The following IDH1 variants were observed in gnomAD, a reference collection of about 807,000 sequenced individuals.
IDH1 encodes the protein isocitrate dehydrogenase [NADP] cytoplasmic.
In IDH1, 33 loss-of-function variants were observed where a neutral mutation model predicts 46.1. The ratio of observed to expected loss-of-function variants is 0.72; its 90% confidence interval spans 0.54 to 0.96. IDH1 has a LOEUF of 0.96. Among genes scored for constraint, IDH1 ranks in the 40% least tolerant of loss-of-function variants. The pLI is 0.00. For synonymous variants in IDH1, 144 were observed against 172.8 expected (o/e 0.83, Z 1.31); for missense variants, 421 against 515.7 (o/e 0.82, Z 1.78).
At chr2:208,249,149 T>A (rs1443265469) in intron 3 of IDH1, among the ~76,000 whole-genome samples, 3 of 152,056 alleles carry the variant, frequency 2.0e-5, no homozygotes, top group Admixed American at 1.3e-4. Context: ...AAAATGCGAA[T>A]GACTACTTCA....
intron 4 of IDH1, among the ~76,000 whole-genome samples, chr2:208,246,635 T>TA (rs369672159): frequency 0.94 from 127,901 of 136,432 alleles, 60,031 homozygotes; most frequent in East Asian, 0.97. Context: ...CCAAAATAAT[T>TA]AAAAAAAAAA....
chr2:208,249,815 T>C (rs763151653), intron 3 of IDH1, among the ~76,000 whole-genome samples: 4 of 152,242 alleles, frequency 2.6e-5, no homozygotes, highest in Admixed American at 6.5e-5. Flanking sequence ...AACAAAGTCA[T>C]GTCCTTTGTT....
At chr2:208,248,050 A>G (rs905724194) in intron 4 of IDH1, 2 of 369,418 alleles carry the variant, frequency 5.4e-6, no homozygotes, top group African/African-American at 4.2e-5. Context: ...AAAACCACAG[A>G]TCTGGTTGAA....
chr2:208,250,785 T>G (rs1419609427), intron 3 of IDH1, among the ~76,000 whole-genome samples: 4 of 152,166 alleles, frequency 2.6e-5, no homozygotes, highest in African/African-American at 4.8e-5. Context: ...CTAAGAAACA[T>G]CATGAATTCT....
chr2:208,237,064 A>T lies in IDH1; in HGVS notation c.*15T>A, dbSNP rs750251172. On this transcript the variant is annotated 3_prime_UTR_variant, in exon 10 of 10. Transcript: ENST00000345146. ...TTACCAAAAGACAATTATCCTTCTTAGCTCAGGTATGAACTTAAAGTTTGG... is the reference window on the plus strand; with the variant it reads ...TTACCAAAAGACAATTATCCTTCTTTGCTCAGGTATGAACTTAAAGTTTGG... 1 of 1,432,094 alleles carries T rather than the reference A, an allele frequency of 7.0e-7. No homozygotes were observed. Among genetic ancestry groups the T allele is most frequent in the Non-Finnish European group, 9.8e-7 (1 of 1,017,350 alleles). 88.7% of individuals were successfully genotyped at this position (1,432,094 alleles called of 1,614,324 possible). A position where few individuals can be genotyped will look rare whatever the true frequency, so the allele number is the denominator to read the frequency against.
At chr2:208,249,907 T>C (rs993628206) in intron 3 of IDH1, among the ~76,000 whole-genome samples, 10 of 152,196 alleles carry the variant, frequency 6.6e-5, no homozygotes, top group African/African-American at 2.4e-4. Context: ...CTAGGAACCA[T>C]TTCTCATAAG....
Position 208,237,069 on chromosome 2 carries a change from A to T in IDH1, c.*10T>A. Reference sequence around the variant, plus strand: ...AAAAGACAATTATCCTTCTTAGCTCAGGTATGAACTTAAAGTTTGGCCTGA... The same window carrying T: ...AAAAGACAATTATCCTTCTTAGCTCTGGTATGAACTTAAAGTTTGGCCTGA... On this transcript the variant is annotated 3_prime_UTR_variant, in exon 10 of 10. Coordinates refer to ENST00000345146, the MANE Select transcript of IDH1 (RefSeq NM_005896.4). The T allele has an allele frequency of 6.8e-7, 1 of 1,472,940 alleles. No individual in the cohort carries two copies. The highest frequency in any genetic ancestry group is 9.5e-7 in the Non-Finnish European group (1 of 1,053,802). 91.2% of individuals were successfully genotyped at this position (1,472,940 alleles called of 1,614,324 possible).
chr2:208,245,275 A>G (rs1687994272), intron 5 of IDH1, 44 bp downstream of exon 5: 2 of 949,438 alleles, frequency 2.1e-6, no homozygotes. Flanking sequence ...TATCTAAATC[A>G]TTTGTTTAAA....
At chr2:208,239,695 G>A (rs559596551) in intron 8 of IDH1, among the ~76,000 whole-genome samples, 168 bp downstream of exon 8, 1 of 152,316 alleles carries the variant, frequency 6.6e-6, no homozygotes, top group African/African-American at 2.4e-5. Context: ...AAACAGAAAA[G>A]CAAATATTGT....
chr2:208,243,423 T>C lies in IDH1; in HGVS notation c.698+4A>G. 6.2e-7 allele frequency: 1 copy of C among 1,603,782 alleles called. No individual in the cohort carries two copies. Among genetic ancestry groups the C allele is most frequent in the East Asian group, 2.2e-5 (1 of 44,818 alleles). ...AGAAAAAGTTAAAAAAGAACTATAG[T>C]TACTTGTCATATATCTCCTGAAAGA... is the stretch of plus-strand genomic sequence containing the variant. On this transcript the variant is annotated splice_donor_region_variant and intron_variant, in intron 6 of 9. Transcript: ENST00000345146.
chr2:208,238,948 T>C, intron 9 of IDH1, 123 bp downstream of exon 9: 2 of 897,350 alleles, frequency 2.2e-6, no homozygotes, highest in Admixed American at 1.9e-5. Flanking sequence ...TTTACAGATA[T>C]CTGCTGACTC....
At chr2:208,240,092 G>T in intron 7 of IDH1, 89 bp from the exon 8 acceptor site, 1 of 1,404,808 alleles carries the variant, frequency 7.1e-7, no homozygotes, top group Non-Finnish European at 1.0e-6. Context: ...ACTCAATCTT[G>T]ATAGGTCTTG....
intron 6 of IDH1, 113 bp from the exon 7 acceptor site, chr2:208,242,258 T>C (rs567763023): frequency 7.4e-5 from 74 of 999,508 alleles, no homozygotes; most frequent in Admixed American, 2.0e-4. Context: ...CATATTTTAG[T>C]AGAAGTAGCA....
rs746483551 is a variant in IDH1 at position 208,251,587 on chromosome 2, A to T, written c.-16-20T>A. ...ATAAACCTAAAAAGAAAAAAAAAAT[A>T]CATGCCTTGTCATTTATTTCATTAT... is the stretch of plus-strand genomic sequence containing the variant. On this transcript the variant is annotated intron_variant, in intron 2 of 9. Transcript: ENST00000345146. The T allele has an allele frequency of 2.5e-6, 4 of 1,580,944 alleles. No homozygotes were observed. In the Admixed American group the frequency reaches 6.7e-5, roughly 27 times the overall value.
Position 208,237,118 on chromosome 2 carries a change from T to C in IDH1, c.1206A>G (p.Gly402=), listed in dbSNP as rs1687824661. Residue 402 remains glycine, a synonymous_variant, in exon 10 of 10, where the codon GGA becomes GGG. Coordinates refer to ENST00000345146, the MANE Select transcript of IDH1 (RefSeq NM_005896.4). ...LNTFEFMDKL[G]ENLKIKLAQA... ...GAGCTAGTTTGATCTTCAAGTTTTC[T>C]CCAAGTTTATCCATGAACTCAAATG... The C allele has an allele frequency of 6.2e-7, 1 of 1,610,244 alleles. No individual in the cohort carries two copies. The highest frequency in any genetic ancestry group is 8.5e-7 in the Non-Finnish European group (1 of 1,176,850).
chr2:208,250,280 A>G (rs1454688944), intron 3 of IDH1, among the ~76,000 whole-genome samples: 1 of 137,364 alleles, frequency 7.3e-6, no homozygotes, highest in Non-Finnish European at 1.6e-5. Flanking sequence ...TAAAGTCCTG[A>G]AACAGGAGTT....
At chr2:208,239,444 T>C (rs1041209014) in intron 8 of IDH1, among the ~76,000 whole-genome samples, 7 of 152,264 alleles carry the variant, frequency 4.6e-5, no homozygotes, top group African/African-American at 1.7e-4. Context: ...ATGGTACTAG[T>C]GTTTGAAACT....
chr2:208,242,831 T>C (rs968013796), intron 6 of IDH1, among the ~76,000 whole-genome samples: 16 of 151,992 alleles, frequency 1.1e-4, no homozygotes, highest in Middle Eastern at 6.8e-3. Context: ...GTGGCGTGAT[T>C]TCGGCTCACT....
chr2:208,240,062 C>CA (rs1687889868), intron 7 of IDH1, 59 bp from the exon 8 acceptor site: 3 of 1,576,348 alleles, frequency 1.9e-6, no homozygotes, highest in African/African-American at 2.7e-5. Context: ...CTGAGTCTCT[C>CA]AGAGATGAGA....
Sources: gnomAD v4.1 joint callset for allele counts (sites outside exome capture counted in the v4.1 genomes callset) on GRCh38, gnomAD v4.1.1 for gene constraint, MANE v1.5 for transcripts, NCBI Gene and HGNC (gene_info 2026-07-23, HGNC 2026-07-21) for gene names.